The following SHROOM3 variants were observed in gnomAD, a reference collection of about 807,000 sequenced individuals.
SHROOM3 encodes protein Shroom3.
SHROOM3 carries 47 observed loss-of-function variants against 138.6 expected under a neutral mutation model. That is an observed-to-expected ratio of 0.34 (90% CI 0.27 to 0.43). The LOEUF is 0.43. SHROOM3 is among the 20% of genes least tolerant of loss of function. SHROOM3 has a pLI of 1.00. For missense variants in SHROOM3, 2,491 were observed against 2,596.5 expected (o/e 0.96, Z 0.88); for synonymous variants, 1,062 against 1,063.3 (o/e 1.00, Z 0.02).
At chr4:76,709,125 T>C (rs1720152423) in intron 2 of SHROOM3, among the ~76,000 whole-genome samples, 2 of 152,220 alleles carry the variant, frequency 1.3e-5, no homozygotes, top group Non-Finnish European at 2.9e-5. Flanking sequence ...TCACTTCCGT[T>C]CTGTGTTCCA....
rs2109802057 is a variant in SHROOM3 at position 76,780,882 on chromosome 4, T to C, written c.*1705T>C. On this transcript the variant is annotated 3_prime_UTR_variant, in exon 11 of 11. Coordinates refer to ENST00000296043, the MANE Select transcript of SHROOM3 (RefSeq NM_020859.4). ...ATTCAACAGCCACACTGCATGGTCA[T>C]CAGTCTTAGGCCAACATGGGAGCCT... 2 of 152,324 alleles carry C rather than the reference T, an allele frequency of 1.3e-5. No individual in the cohort carries two copies. The highest frequency in any genetic ancestry group is 6.8e-3 in the Middle Eastern group (2 of 294). The allele number at this position is 152,324 out of a possible 1,614,324, so 9.4% of individuals were successfully genotyped here.
chr4:76,552,080 C>G (rs1267892125), intron 1 of SHROOM3, among the ~76,000 whole-genome samples: 1 of 149,904 alleles, frequency 6.7e-6, no homozygotes, highest in South Asian at 2.1e-4. Context: ...CCAGGATGGA[C>G]TCGATCTCCT....
At chr4:76,663,906 C>T (rs1174813732) in intron 2 of SHROOM3, among the ~76,000 whole-genome samples, 1 of 152,160 alleles carries the variant, frequency 6.6e-6, no homozygotes, top group African/African-American at 2.4e-5. Flanking sequence ...CCCATTTACC[C>T]TCTTGGTCTC....
chr4:76,735,169 A>G (rs1262817279), intron 4 of SHROOM3, among the ~76,000 whole-genome samples: 2 of 152,178 alleles, frequency 1.3e-5, no homozygotes, highest in Non-Finnish European at 1.5e-5. Context: ...ACCCCTCTTG[A>G]GAGTAAGGCT....
intron 1 of SHROOM3, among the ~76,000 whole-genome samples, chr4:76,465,836 C>A (rs1417494802): frequency 6.6e-6 from 1 of 152,130 alleles, no homozygotes; most frequent in Admixed American, 6.5e-5. Context: ...TCACTTGTTC[C>A]TAATAACTGA....
chr4:76,679,078 ATAAG>A (rs1365302362), intron 2 of SHROOM3, among the ~76,000 whole-genome samples: 2 of 152,266 alleles, frequency 1.3e-5, no homozygotes, highest in Admixed American at 6.5e-5. Flanking sequence ...TTAACAATAA[ATAAG>A]TGATAAGTTT....
At chr4:76,693,370 G>GTTTTTGTTT (rs547232881) in intron 2 of SHROOM3, among the ~76,000 whole-genome samples, 4 of 79,810 alleles carry the variant, frequency 5.0e-5, no homozygotes, top group Non-Finnish European at 9.0e-5. Context: ...TGATAAGTTT[G>GTTTTTGTTT]TTTTTTTTTT....
intron 2 of SHROOM3, among the ~76,000 whole-genome samples, chr4:76,688,019 A>G (rs1215461811): frequency 6.6e-6 from 1 of 152,160 alleles, no homozygotes; most frequent in East Asian, 1.9e-4. Flanking sequence ...TGCGTTATAA[A>G]CTGCAAGGGC....
chr4:76,744,480 C>T (rs560613173), intron 5 of SHROOM3, among the ~76,000 whole-genome samples: 7 of 152,282 alleles, frequency 4.6e-5, no homozygotes, highest in East Asian at 1.9e-4. Context: ...CATGGCAAGG[C>T]GGTCTGCTCC....
At chr4:76,691,418 C>T (rs1432645759) in intron 2 of SHROOM3, among the ~76,000 whole-genome samples, 2 of 152,104 alleles carry the variant, frequency 1.3e-5, no homozygotes, top group African/African-American at 4.8e-5. Context: ...GGGACCAAAG[C>T]AAATTAAGGT....
At chr4:76,690,388 A>C (rs1719491128) in intron 2 of SHROOM3, among the ~76,000 whole-genome samples, 1 of 152,112 alleles carries the variant, frequency 6.6e-6, no homozygotes, top group Non-Finnish European at 1.5e-5. Context: ...CTCCCTTTAA[A>C]TAGTAGTGTT....
chr4:76,477,069 G>A (rs762101839), intron 1 of SHROOM3, among the ~76,000 whole-genome samples: 6 of 152,134 alleles, frequency 3.9e-5, no homozygotes, highest in Non-Finnish European at 7.4e-5. Context: ...CTGGGTTCAC[G>A]CCATTCTCCT....
chr4:76,647,767 G>A (rs980854040), intron 2 of SHROOM3, among the ~76,000 whole-genome samples: 1 of 151,996 alleles, frequency 6.6e-6, no homozygotes, highest in Non-Finnish European at 1.5e-5. Flanking sequence ...GTGGTGATGT[G>A]CACCTGTAGT....
chr4:76,726,874 A>C lies in SHROOM3; in HGVS notation c.456-3930A>C, dbSNP rs185916481. Among the ~76,000 whole-genome samples the C allele has an allele frequency of 7.2e-5, 11 of 152,168 alleles. 1 individual carries two copies. The East Asian group carries it at 1.7e-3, about 24-fold the overall frequency. On this transcript the variant is annotated intron_variant, in intron 3 of 10. Transcript: ENST00000296043. ...ATCTTTTTTCCTGTGGAGCCTGTGG[A>C]ATTTATCACTTTCTATTTCTCTTGG...
rs945599663 is a variant in SHROOM3, at chr4:76,741,356, C to G, written c.3183C>G (p.Phe1061Leu). 9.9e-6 allele frequency: 16 copies of G among 1,608,684 alleles called. No individual in the cohort carries two copies. Among genetic ancestry groups the G allele is most frequent in the Non-Finnish European group, 1.2e-5 (14 of 1,178,312 alleles). ...ESSVADRRRL[F>L]ERDGKACSTL... ...GCGTGGCCGACCGGCGCCGTCTCTT[C>G]GAGCGCGATGGCAAGGCCTGCTCCA... The change falls in exon 5 of 11, where the codon TTC (phenylalanine) becomes TTG (leucine). Residue 1061 changes from phenylalanine to leucine, a missense_variant. Phe to Leu is a conservative substitution (Grantham distance 22). Transcript: ENST00000296043. The surrounding 1 kb of genome is among the most constrained non-coding windows in gnomAD (Gnocchi z 6.2).
chr4:76,479,625 A>G (rs1037658085), intron 1 of SHROOM3, among the ~76,000 whole-genome samples: 2 of 152,182 alleles, frequency 1.3e-5, no homozygotes, highest in African/African-American at 4.8e-5. Flanking sequence ...CAGGAAATAC[A>G]GAGAATACCA....
chr4:76,466,626 T>C (rs1389662951), intron 1 of SHROOM3, among the ~76,000 whole-genome samples: 1 of 152,220 alleles, frequency 6.6e-6, no homozygotes, highest in East Asian at 1.9e-4. Flanking sequence ...TTTTGTTCAA[T>C]GTAATAATGC....
chr4:76,746,792 T>G lies in SHROOM3; in HGVS notation c.3754-2225T>G, dbSNP rs1436553037. Among the ~76,000 whole-genome samples the G allele has an allele frequency of 1.2e-4, 9 of 74,910 alleles. 1 individual carries two copies. In the South Asian group the frequency reaches 3.5e-3, roughly 29 times the overall value. The allele number at this position is 74,910 out of a possible 152,430, so 49.1% of individuals were successfully genotyped here. ...AGACTTTAGATTTACATTATTATTATTATTATTATTATTATTATTATTATT... is the reference window on the plus strand; with the variant it reads ...AGACTTTAGATTTACATTATTATTAGTATTATTATTATTATTATTATTATT... On this transcript the variant is annotated intron_variant, in intron 5 of 10. Coordinates refer to ENST00000296043, the MANE Select transcript of SHROOM3 (RefSeq NM_020859.4).
At chr4:76,515,469 T>C (rs1382545795) in intron 1 of SHROOM3, among the ~76,000 whole-genome samples, 1 of 152,134 alleles carries the variant, frequency 6.6e-6, no homozygotes. Context: ...CAATAGAAAT[T>C]TCCATTGTTC....
Sources: gnomAD v4.1 joint callset for allele counts (sites outside exome capture counted in the v4.1 genomes callset) on GRCh38, gnomAD v4.1.1 for gene constraint, Gnocchi (gnomAD v3.1) non-coding constraint, MANE v1.5 for transcripts, NCBI Gene and HGNC (gene_info 2026-07-23, HGNC 2026-07-21) for gene names.